TRIP12: variants seen among roughly 807,000 people sequenced by gnomAD.
TRIP12 encodes thyroid hormone receptor interactor 12.
A neutral mutation model predicts 244.2 loss-of-function variants in TRIP12; 25 were observed. The ratio of observed to expected loss-of-function variants is 0.10; its 90% CI spans 0.07 to 0.14. TRIP12 has a LOEUF of 0.14. Ranked by LOEUF, TRIP12 falls within the 10% of genes least tolerant of loss-of-function variation. The probability of loss-of-function intolerance (pLI) is 1.00; values close to 1 mark genes in which losing one functional copy is unlikely to be tolerated. For missense variants in TRIP12, 1,677 were observed against 2,486.4 expected, an observed-to-expected ratio of 0.67 and a Z score of 6.92; for synonymous variants, 905 against 873.1, an observed-to-expected ratio of 1.04 and a Z score of -0.64.
chr2:229,889,207 C>T (rs2066759641), intron 1 of TRIP12, among the ~76,000 whole-genome samples: 1 of 152,170 alleles, frequency 6.6e-6, no homozygotes, highest in Non-Finnish European at 1.5e-5. Context: ...ACGTGCCTAA[C>T]TTGTTGAATC....
At chr2:229,817,192 G>A (rs1559607151) in intron 9 of TRIP12, among the ~76,000 whole-genome samples, 1 of 152,000 alleles carries the variant, frequency 6.6e-6, no homozygotes, top group African/African-American at 2.4e-5. Flanking sequence ...TCATCAAATG[G>A]GACAATATGA....
At chr2:229,885,334 G>T (rs962080278) in intron 1 of TRIP12, among the ~76,000 whole-genome samples, 1 of 152,154 alleles carries the variant, frequency 6.6e-6, no homozygotes, top group Non-Finnish European at 1.5e-5. Context: ...AACACAATTT[G>T]CAAGGTACTT....
At position 229,789,638 on chromosome 2, in the gene TRIP12, G is replaced by T; in HGVS notation, c.4668C>A (p.Ile1556=). The T allele has an allele frequency of 6.2e-7, 1 of 1,613,944 alleles. No homozygotes were observed. Among genetic ancestry groups the T allele is most frequent in the Middle Eastern group, 1.7e-4 (1 of 6,058 alleles). The change falls in exon 31 of 42, where the codon ATC becomes ATA. Residue 1556 remains isoleucine (I), a synonymous_variant. Coordinates refer to ENST00000675903, the MANE Select transcript of TRIP12 (RefSeq NM_001348323.3). Reference sequence around the variant, plus strand: ...CATACAAGTAATACCAGTATCGACTGATAGCATGTAAAACTCTTAAAAGAA... The same window carrying T: ...CATACAAGTAATACCAGTATCGACTTATAGCATGTAAAACTCTTAAAAGAA... ...VILLLRVLHA[I]SRYWYYLYDN...
At chr2:229,770,429 G>A (rs527912231) in intron 39 of TRIP12, among the ~76,000 whole-genome samples, 9 of 152,190 alleles carry the variant, frequency 5.9e-5, no homozygotes, top group Non-Finnish European at 1.3e-4. Flanking sequence ...CACACTACAT[G>A]CTTAAGTAGA....
intron 41 of TRIP12, 132 bp from the exon 42 acceptor site, chr2:229,767,882 A>C: frequency 1.1e-6 from 1 of 875,442 alleles, no homozygotes. Flanking sequence ...TGCACATTCA[A>C]TATACATTAA....
At chr2:229,897,651 TA>T (rs1309922627) in intron 1 of TRIP12, among the ~76,000 whole-genome samples, 4 of 152,158 alleles carry the variant, frequency 2.6e-5, no homozygotes, top group Admixed American at 2.6e-4. Flanking sequence ...CGTCTCTAAA[TA>T]AATAAAGATA....
rs765282477 is a variant in TRIP12 at position 229,803,870 on chromosome 2, C to G, written c.2879+129G>C. The G allele has an allele frequency of 6.6e-6, 6 of 902,338 alleles. No homozygotes were observed. The Middle Eastern group carries it at 1.0e-3, about 155-fold the overall frequency. The allele number at this position is 902,338 out of a possible 1,614,324, so 55.9% of individuals were successfully genotyped here. A position where few individuals can be genotyped will look rare whatever the true frequency, so the allele number is the denominator to read the frequency against. On this transcript the variant is annotated intron_variant, in intron 19 of 41. Coordinates refer to ENST00000675903, the MANE Select transcript of TRIP12 (RefSeq NM_001348323.3). ...AAGCTATTATGTGAATATAAATAGA[C>G]AAAAAAGAGCTCAAGATACTCCTAA...
intron 9 of TRIP12, among the ~76,000 whole-genome samples, chr2:229,817,861 T>C (rs973166197): frequency 1.3e-5 from 2 of 152,126 alleles, no homozygotes; most frequent in Non-Finnish European, 2.9e-5. Flanking sequence ...TCCCAAAGTA[T>C]TGGGATTACA....
In TRIP12 at chr2:229,901,527, G is replaced by A. The variant is rs112697324; in HGVS notation, c.-50+20353C>T. Among the ~76,000 whole-genome samples, 802 of 151,288 alleles carry A rather than the reference G, an allele frequency of 5.3e-3. 9 individuals are homozygous for A. The highest frequency in any genetic ancestry group is 0.019 in the African/African-American group (776 of 41,236). The stretch of plus-strand genomic sequence containing the variant: ...AAATCCAGCAACTTGGGAGGCTGAG[G>A]CAGGAGAACTGCTTGAACCTGGGTG... On this transcript the variant is annotated intron_variant, in intron 1 of 41. Coordinates refer to ENST00000675903, the MANE Select transcript of TRIP12 (RefSeq NM_001348323.3).
chr2:229,802,889 C>T (rs1181836452), intron 20 of TRIP12, among the ~76,000 whole-genome samples: 1 of 151,738 alleles, frequency 6.6e-6, no homozygotes, highest in African/African-American at 2.4e-5. Flanking sequence ...AACACTGCCA[C>T]CAAAAAAAAA....
intron 11 of TRIP12, chr2:229,814,575 T>C: frequency 2.9e-6 from 1 of 343,180 alleles, no homozygotes; most frequent in East Asian, 4.8e-5. Flanking sequence ...TACATAACTT[T>C]TAAATCTTCA....
intron 2 of TRIP12, among the ~76,000 whole-genome samples, chr2:229,877,683 G>C (rs1341453969): frequency 6.6e-6 from 1 of 152,198 alleles, no homozygotes; most frequent in African/African-American, 2.4e-5. Context: ...AATGCAACCT[G>C]AGGATTAATA....
chr2:229,841,643 T>G (rs972952725), intron 4 of TRIP12, among the ~76,000 whole-genome samples: 4 of 152,190 alleles, frequency 2.6e-5, no homozygotes, highest in Non-Finnish European at 5.9e-5. Flanking sequence ...AATGACATAC[T>G]AGGCAGTATA....
intron 33 of TRIP12, among the ~76,000 whole-genome samples, chr2:229,786,396 CTT>C (rs34138414): frequency 0.018 from 2,238 of 127,696 alleles, 61 homozygotes; most frequent in African/African-American, 0.063. Context: ...AATAGGATGA[CTT>C]TTTTTTTTTT....
At chr2:229,848,326 G>A (rs879223531) in intron 4 of TRIP12, among the ~76,000 whole-genome samples, 3 of 32,292 alleles carry the variant, frequency 9.3e-5, no homozygotes, top group South Asian at 7.3e-4. Context: ...GGCCCCCCCC[G>A]CCCCCCCCAC....
chr2:229,771,694 T>C (rs1383684487), intron 38 of TRIP12, 62 bp from the exon 39 acceptor site: 10 of 1,257,246 alleles, frequency 8.0e-6, no homozygotes, highest in Non-Finnish European at 1.0e-5. Context: ...CTATTTAATA[T>C]GTGGCAAAGT....
intron 1 of TRIP12, chr2:229,900,862 TAA>T (rs774208884): frequency 6.4e-5 from 9 of 140,464 alleles, no homozygotes; most frequent in East Asian, 2.0e-4. Context: ...ACTCTGTCTT[TAA>T]AAAAAAAAAA....
At chr2:229,917,380 C>CAAAAAAAAAAAAAAAAAAAAA (rs60397605) in intron 1 of TRIP12, among the ~76,000 whole-genome samples, 7 of 29,264 alleles carry the variant, frequency 2.4e-4, no homozygotes, top group East Asian at 3.4e-3. Context: ...GACTCTGTCT[C>CAAAAAAAAAAAAAAAAAAAAA]AAAAAAAAAA....
At chr2:229,902,087 C>G (rs1350405401) in intron 1 of TRIP12, among the ~76,000 whole-genome samples, 2 of 152,148 alleles carry the variant, frequency 1.3e-5, no homozygotes, top group East Asian at 3.9e-4. Flanking sequence ...TCACTAACCT[C>G]TAATTGAAAT....
Sources: allele counts gnomAD v4.1 joint callset (sites outside exome capture counted in the v4.1 genomes callset), GRCh38; gene constraint gnomAD v4.1.1; transcripts MANE v1.5; gene names NCBI Gene and HGNC (gene_info 2026-07-23, HGNC 2026-07-21).